Variants in ARHGAP31 observed in about 807,000 individuals in gnomAD.
ARHGAP31 encodes Rho GTPase activating protein 31.
Under a neutral mutation model 113.9 loss-of-function variants are expected in ARHGAP31, and 34 were observed. The ratio of observed to expected loss-of-function variants is 0.30; its 90% CI spans 0.23 to 0.40. The LOEUF (loss-of-function observed/expected upper bound fraction) is 0.40, where lower values mean the gene tolerates loss of function less well. Ranked by LOEUF, ARHGAP31 falls within the 10% of genes least tolerant of loss-of-function variation. ARHGAP31 has a pLI of 1.00. For missense variants in ARHGAP31, 1,548 were observed against 1,767.1 expected (o/e 0.88, Z 2.22); for synonymous variants, 650 against 684.8 (o/e 0.95, Z 0.79).
chr3:119,355,939 T>G (rs1348866844), intron 1 of ARHGAP31, among the ~76,000 whole-genome samples: 3 of 152,184 alleles, frequency 2.0e-5, no homozygotes, highest in Non-Finnish European at 2.9e-5. Flanking sequence ...AGAGAGTACT[T>G]CTGTTTTCAA....
At chr3:119,397,197 G>A (rs1166890732) in intron 8 of ARHGAP31, among the ~76,000 whole-genome samples, 2 of 152,284 alleles carry the variant, frequency 1.3e-5, no homozygotes, top group South Asian at 4.1e-4. Context: ...AGGAGGGCAG[G>A]GAATGCTTGG....
rs2079517687 is a variant in ARHGAP31 at position 119,294,762 on chromosome 3, C to T, written c.-143C>T. 3.8e-6 allele frequency: 3 copies of T among 782,836 alleles called. No individual in the cohort carries two copies. Among genetic ancestry groups the T allele is most frequent in the African/African-American group, 3.4e-5 (2 of 58,486 alleles). 48.5% of individuals were successfully genotyped at this position (782,836 alleles called of 1,614,324 possible). On this transcript the variant is annotated 5_prime_UTR_variant, in exon 1 of 12. Transcript: ENST00000264245. Reference sequence around the variant, plus strand: ...CGGCCCGCGGGGTCCATGCGCAGGGCCCCCAGCCCAAGTTCTTCCATCTTC... The same window carrying T: ...CGGCCCGCGGGGTCCATGCGCAGGGTCCCCAGCCCAAGTTCTTCCATCTTC...
intron 1 of ARHGAP31, among the ~76,000 whole-genome samples, chr3:119,316,617 C>G (rs189521915): frequency 6.6e-6 from 1 of 152,292 alleles, no homozygotes; most frequent in African/African-American, 2.4e-5. Context: ...GGGGCCCATA[C>G]TTTAATCTTA....
intron 1 of ARHGAP31, among the ~76,000 whole-genome samples, chr3:119,343,350 T>A (rs922612608): frequency 6.6e-6 from 1 of 152,200 alleles, no homozygotes; most frequent in Non-Finnish European, 1.5e-5. Flanking sequence ...CCTCAGCCCC[T>A]AATTTCTCAA....
At chr3:119,365,547 G>A (rs2080246388) in intron 2 of ARHGAP31, 129 bp downstream of exon 2, 5 of 808,516 alleles carry the variant, frequency 6.2e-6, no homozygotes, top group Admixed American at 6.0e-5. Context: ...CCGAAGATCA[G>A]ATGCAGTGGT....
chr3:119,366,868 G>A (rs1345307040), intron 2 of ARHGAP31, among the ~76,000 whole-genome samples: 5 of 152,070 alleles, frequency 3.3e-5, no homozygotes, highest in Non-Finnish European at 7.4e-5. Context: ...CTGGGAGGCC[G>A]AGACGGGTGG....
At chr3:119,337,004 C>T (rs1305845572) in intron 1 of ARHGAP31, among the ~76,000 whole-genome samples, 2 of 152,140 alleles carry the variant, frequency 1.3e-5, no homozygotes, top group Non-Finnish European at 2.9e-5. Context: ...TTTTTATTAC[C>T]TAATAATATT....
rs539898181 is a variant in ARHGAP31, at chr3:119,383,080, G to A, written c.540-4G>A. ...TAACTGAATATGTTTCTTCCACACG[G>A]TAGGTCTAAAGAAATTGAAGCCACT... On this transcript the variant is annotated splice_region_variant and splice_polypyrimidine_tract_variant and intron_variant, in intron 5 of 11. Coordinates refer to ENST00000264245, the MANE Select transcript of ARHGAP31 (RefSeq NM_020754.4). The A allele has an allele frequency of 3.1e-6, 5 of 1,614,004 alleles. No homozygotes were observed. In the Admixed American group the frequency reaches 6.7e-5, roughly 22 times the overall value.
chr3:119,334,230 C>T (rs1337269076), intron 1 of ARHGAP31, among the ~76,000 whole-genome samples: 6 of 152,100 alleles, frequency 3.9e-5, no homozygotes, highest in African/African-American at 1.2e-4. Context: ...TTTGGCTTGC[C>T]GTCTTGGCCC....
chr3:119,370,386 T>G (rs899234412), intron 3 of ARHGAP31, among the ~76,000 whole-genome samples: 1 of 152,180 alleles, frequency 6.6e-6, no homozygotes, highest in Non-Finnish European at 1.5e-5. Context: ...CTTTCCATAG[T>G]GTTTTTGTTG....
At chr3:119,307,524 A>T (rs1036666265) in intron 1 of ARHGAP31, among the ~76,000 whole-genome samples, 1 of 152,184 alleles carries the variant, frequency 6.6e-6, no homozygotes, top group African/African-American at 2.4e-5. Flanking sequence ...TATGTACACA[A>T]TTATTTATTT....
intron 1 of ARHGAP31, among the ~76,000 whole-genome samples, chr3:119,337,946 C>T (rs896240117): frequency 1.3e-5 from 2 of 152,128 alleles, no homozygotes; most frequent in Non-Finnish European, 2.9e-5. Flanking sequence ...CATTTGGGTA[C>T]AAGTTTGTAT....
intron 1 of ARHGAP31, among the ~76,000 whole-genome samples, chr3:119,336,916 C>G (rs765532125): frequency 2.8e-4 from 43 of 152,196 alleles, no homozygotes; most frequent in Non-Finnish European, 5.4e-4. Context: ...AATCATCTGG[C>G]TTTTTGTTTC....
chr3:119,317,068 C>T (rs1428240410), intron 1 of ARHGAP31, among the ~76,000 whole-genome samples: 2 of 152,292 alleles, frequency 1.3e-5, no homozygotes, highest in Middle Eastern at 3.4e-3. Flanking sequence ...AAATAGCCTG[C>T]AGAACACATA....
At chr3:119,389,204 A>C (rs190103026) in intron 6 of ARHGAP31, among the ~76,000 whole-genome samples, 1 of 151,712 alleles carries the variant, frequency 6.6e-6, no homozygotes, top group South Asian at 2.1e-4. Flanking sequence ...ACAAACAAAC[A>C]AAAAAAACCA....
rs1019069481 is a variant in ARHGAP31, at chr3:119,399,409, C to T, written c.1069+148C>T. Reference sequence around the variant, plus strand: ...AAATCCCTCACTGACCCTACCCTAACTCAAGGGGTTCACATAGCCCCATAA... The same window carrying T: ...AAATCCCTCACTGACCCTACCCTAATTCAAGGGGTTCACATAGCCCCATAA... On this transcript the variant is annotated intron_variant, in intron 9 of 11. Coordinates refer to ENST00000264245, the MANE Select transcript of ARHGAP31 (RefSeq NM_020754.4). The T allele has an allele frequency of 8.1e-6, 6 of 739,422 alleles. No homozygotes were observed. In the African/African-American group the frequency reaches 1.0e-4, roughly 13 times the overall value. The allele number at this position is 739,422 out of a possible 1,614,324, so 45.8% of individuals were successfully genotyped here.
intron 1 of ARHGAP31, among the ~76,000 whole-genome samples, chr3:119,319,085 T>C (rs1465646750): frequency 2.6e-5 from 4 of 152,136 alleles, no homozygotes; most frequent in Non-Finnish European, 5.9e-5. Context: ...CATTAACAAC[T>C]GTGGAACAGA....
chr3:119,410,099 G>A (rs1023820152), intron 11 of ARHGAP31, among the ~76,000 whole-genome samples: 14 of 152,132 alleles, frequency 9.2e-5, no homozygotes, highest in African/African-American at 3.1e-4. Flanking sequence ...AGCAGCACAA[G>A]ACCTGCTTGT....
intron 6 of ARHGAP31, among the ~76,000 whole-genome samples, chr3:119,389,954 C>T (rs929046361): frequency 2.0e-5 from 3 of 152,150 alleles, no homozygotes; most frequent in Non-Finnish European, 4.4e-5. Context: ...TAACAGCATC[C>T]CTGGCCTTTG....
Sources: gnomAD v4.1 joint callset for allele counts (sites outside exome capture counted in the v4.1 genomes callset) on GRCh38, gnomAD v4.1.1 for gene constraint, MANE v1.5 for transcripts, NCBI Gene and HGNC (gene_info 2026-07-23, HGNC 2026-07-21) for gene names.